Variants in SPAST observed in about 807,000 individuals in gnomAD.
SPAST encodes spastic paraplegia 4 (autosomal dominant; spastin).
A neutral mutation model predicts 76.6 loss-of-function variants in SPAST; 30 were observed. That is an observed-to-expected ratio of 0.39 (90% CI 0.29 to 0.53). The LOEUF is 0.53. SPAST is among the 20% of genes least tolerant of loss of function. The pLI is 0.68. For synonymous variants in SPAST, 305 were observed against 281.0 expected, an observed-to-expected ratio of 1.09 and a Z score of -0.86; for missense variants, 717 against 770.5, an observed-to-expected ratio of 0.93 and a Z score of 0.82.
chr2:32,153,300 A>C (rs1450177267), intron 16 of SPAST, among the ~76,000 whole-genome samples: 1 of 150,502 alleles, frequency 6.6e-6, no homozygotes, highest in African/African-American at 2.4e-5. Flanking sequence ...CATTTATGCC[A>C]AACTGCATTT....
At chr2:32,115,574 A>C (rs569875519) in intron 5 of SPAST, 128 bp from the exon 6 acceptor site, 12 of 676,480 alleles carry the variant, frequency 1.8e-5, no homozygotes, top group Non-Finnish European at 2.7e-5. Flanking sequence ...TAAATATACA[A>C]TTTATGGATT....
intron 4 of SPAST, among the ~76,000 whole-genome samples, chr2:32,100,702 C>T (rs938591887): frequency 6.6e-6 from 1 of 152,082 alleles, no homozygotes; most frequent in Non-Finnish European, 1.5e-5. Context: ...TGAGTGAGAA[C>T]ATACGGTGTT....
rs528358192 is a variant in SPAST, at chr2:32,157,431, T to C, written c.*2935T>C. ...TCTTTGTTTATAGTGTAGAATTCTT[T>C]ATATTTTGTACAAAAACTAATTCTT... On this transcript the variant is annotated 3_prime_UTR_variant, in exon 17 of 17. Coordinates refer to ENST00000315285, the MANE Select transcript of SPAST (RefSeq NM_014946.4). The C allele has an allele frequency of 1.3e-5, 2 of 152,758 alleles. No homozygotes were observed. The highest frequency in any genetic ancestry group is 4.1e-4 in the South Asian group (2 of 4,830). 9.5% of individuals were successfully genotyped at this position (152,758 alleles called of 1,614,324 possible). A position where few individuals can be genotyped will look rare whatever the true frequency, so the allele number is the denominator to read the frequency against.
chr2:32,109,200 C>T (rs1474879454), intron 4 of SPAST, among the ~76,000 whole-genome samples: 1 of 152,108 alleles, frequency 6.6e-6, no homozygotes, highest in African/African-American at 2.4e-5. Context: ...CCTCTGCCTC[C>T]TGGGTTTAAG....
chr2:32,065,689 TACTC>T (rs1475181978), intron 1 of SPAST, among the ~76,000 whole-genome samples: 1 of 152,224 alleles, frequency 6.6e-6, no homozygotes, highest in African/African-American at 2.4e-5. Flanking sequence ...CTCAATTAGA[TACTC>T]ACTTGCATTG....
At chr2:32,115,104 A>T (rs1345240112) in intron 5 of SPAST, among the ~76,000 whole-genome samples, 1 of 151,516 alleles carries the variant, frequency 6.6e-6, no homozygotes, top group African/African-American at 2.4e-5. Context: ...ATGCACCACC[A>T]CGTCGAGCTA....
chr2:32,068,425 G>A (rs958114169), intron 1 of SPAST, among the ~76,000 whole-genome samples: 4 of 150,712 alleles, frequency 2.7e-5, no homozygotes, highest in Non-Finnish European at 4.4e-5. Flanking sequence ...AGGTTCAAGC[G>A]ATTCTCCTGC....
chr2:32,093,810 A>G (rs561114329), intron 3 of SPAST, among the ~76,000 whole-genome samples: 16 of 152,100 alleles, frequency 1.1e-4, no homozygotes, highest in Non-Finnish European at 1.9e-4. Flanking sequence ...AAATGAAGCT[A>G]TCTTAAAAAT....
rs779168454 is a variant in SPAST, at chr2:32,089,518, T to A, written c.503-4T>A. 1 of 1,548,290 alleles carries A rather than the reference T, an allele frequency of 6.5e-7. No individual in the cohort carries two copies. The highest frequency in any genetic ancestry group is 8.9e-7 in the Non-Finnish European group (1 of 1,120,666). ...AGATATTTTAATTAATTTTTTTCTT[T>A]CAGGTGAACAGTGTGAAAGAGCTAG... On this transcript the variant is annotated splice_region_variant and splice_polypyrimidine_tract_variant and intron_variant, in intron 2 of 16. Transcript: ENST00000315285.
At chr2:32,143,211 T>G in intron 13 of SPAST, 125 bp from the exon 14 acceptor site, 1 of 632,104 alleles carries the variant, frequency 1.6e-6, no homozygotes, top group Non-Finnish European at 2.9e-6. Flanking sequence ...GAGGCTATAG[T>G]GAGCTATGAT....
At chr2:32,097,294 A>G (rs1677952057) in intron 3 of SPAST, among the ~76,000 whole-genome samples, 2 of 152,068 alleles carry the variant, frequency 1.3e-5, no homozygotes, top group Admixed American at 1.3e-4. Context: ...TAAGGTTGAA[A>G]TACTCCCTTT....
intron 1 of SPAST, 123 bp downstream of exon 1, chr2:32,064,369 G>T (rs1205682148): frequency 3.4e-6 from 3 of 888,080 alleles, no homozygotes; most frequent in Non-Finnish European, 5.1e-6. Context: ...GAATTGATAT[G>T]CCCCGGGAGA....
intron 1 of SPAST, among the ~76,000 whole-genome samples, chr2:32,068,600 A>G (rs1019385897): frequency 3.9e-5 from 6 of 152,188 alleles, no homozygotes; most frequent in African/African-American, 1.2e-4. Flanking sequence ...CTAGGATTAC[A>G]GGTGTGAGCC....
At chr2:32,120,096 T>C (rs910973151) in intron 7 of SPAST, among the ~76,000 whole-genome samples, 2 of 152,012 alleles carry the variant, frequency 1.3e-5, no homozygotes, top group Non-Finnish European at 2.9e-5. Flanking sequence ...GTGATCCTCC[T>C]GTCTCAGCCT....
intron 1 of SPAST, among the ~76,000 whole-genome samples, chr2:32,075,896 C>CTTTTTT (rs1209272322): frequency 6.1e-5 from 5 of 81,768 alleles, no homozygotes; most frequent in South Asian, 4.3e-4. Flanking sequence ...TCAAAATGCT[C>CTTTTTT]TTTTTTTTTT....
In SPAST at chr2:32,154,816, T is replaced by C. The variant is rs1680201165; in HGVS notation, c.*320T>C. The C allele has an allele frequency of 3.6e-6, 1 of 277,492 alleles. No individual in the cohort carries two copies. The highest frequency in any genetic ancestry group is 5.0e-5 in the Admixed American group (1 of 20,140). 17.2% of individuals were successfully genotyped at this position (277,492 alleles called of 1,614,324 possible). On this transcript the variant is annotated 3_prime_UTR_variant, in exon 17 of 17. Coordinates refer to ENST00000315285, the MANE Select transcript of SPAST (RefSeq NM_014946.4). ...TGTAAATAATAATTTGTATATTGTG[T>C]TGCAGATGAAAGTATTCCAGGAACA...
At chr2:32,130,190 G>A (rs1465971429) in intron 9 of SPAST, 2 of 152,236 alleles carry the variant, frequency 1.3e-5, no homozygotes, top group Admixed American at 6.6e-5. Context: ...AGCAAATCAG[G>A]AGGCTGAGGT....
At chr2:32,128,316 A>C in intron 8 of SPAST, 92 bp from the exon 9 acceptor site, 1 of 964,936 alleles carries the variant, frequency 1.0e-6, no homozygotes, top group Non-Finnish European at 1.6e-6. Context: ...ATTTTTAGAG[A>C]ATCTTTTCTA....
chr2:32,150,966 C>G (rs1184874735), intron 16 of SPAST, among the ~76,000 whole-genome samples: 1 of 65,764 alleles, frequency 1.5e-5, no homozygotes, highest in African/African-American at 6.3e-5. Context: ...TTTTTTGAGA[C>G]TGAGTTTCGC....
Sources: gnomAD v4.1 joint callset for allele counts (sites outside exome capture counted in the v4.1 genomes callset) on GRCh38, gnomAD v4.1.1 for gene constraint, MANE v1.5 for transcripts, NCBI Gene and HGNC (gene_info 2026-07-23, HGNC 2026-07-21) for gene names.